NEGR1: variants seen among roughly 807,000 people sequenced by gnomAD.
NEGR1 encodes the protein IgLON family member 4.
Under a neutral mutation model 40.9 loss-of-function variants are expected in NEGR1, and 10 were observed. The observed-to-expected ratio is 0.24, with a 90% CI of 0.15 to 0.42. NEGR1 has a LOEUF of 0.42. Among genes scored for constraint, NEGR1 ranks in the 10% least tolerant of loss-of-function variants. The pLI, the probability that NEGR1 is intolerant of heterozygous loss-of-function variation, is 1.00. For synonymous variants in NEGR1, 185 were observed against 166.8 expected (o/e 1.11, Z -0.84); for missense variants, 352 against 438.9 (o/e 0.80, Z 1.77).
intron 2 of NEGR1, among the ~76,000 whole-genome samples, chr1:71,808,626 C>T (rs1657867250): frequency 6.6e-6 from 1 of 152,082 alleles, no homozygotes; most frequent in African/African-American, 2.4e-5. Flanking sequence ...ATGTACTTCA[C>T]CTGCTCTGCA....
At chr1:72,186,643 A>T (rs1652622060) in intron 1 of NEGR1, among the ~76,000 whole-genome samples, 2 of 151,826 alleles carry the variant, frequency 1.3e-5, no homozygotes, top group African/African-American at 4.8e-5. Flanking sequence ...CAATAAAATC[A>T]GAAAGCTAAT....
At chr1:71,861,070 C>T (rs145550073) in intron 2 of NEGR1, among the ~76,000 whole-genome samples, 2 of 152,116 alleles carry the variant, frequency 1.3e-5, no homozygotes, top group African/African-American at 4.8e-5. Flanking sequence ...AAAGTTATTA[C>T]CTGTAAATGA....
intron 1 of NEGR1, among the ~76,000 whole-genome samples, chr1:72,078,732 TG>T (rs766076620): frequency 6.6e-6 from 1 of 150,990 alleles, no homozygotes; most frequent in Non-Finnish European, 1.5e-5. Context: ...CTCTGCCTCC[TG>T]GGTTCAAGTG....
chr1:71,495,434 A>ACCACTGC (rs1460319922), intron 6 of NEGR1, among the ~76,000 whole-genome samples: 2 of 150,906 alleles, frequency 1.3e-5, no homozygotes, highest in Non-Finnish European at 1.5e-5. Context: ...CTGAGATCGC[A>ACCACTGC]CCACTGCACT....
chr1:71,446,838 T>C (rs1646585975), intron 6 of NEGR1, among the ~76,000 whole-genome samples: 1 of 152,230 alleles, frequency 6.6e-6, no homozygotes, highest in South Asian at 2.1e-4. Context: ...GTAACCATTA[T>C]GTTGACTTCT....
intron 1 of NEGR1, among the ~76,000 whole-genome samples, chr1:72,201,157 C>T (rs911114059): frequency 3.3e-5 from 5 of 151,644 alleles, no homozygotes; most frequent in Non-Finnish European, 5.9e-5. Context: ...GTATTACATA[C>T]ATTTTAGCAA....
At chr1:71,656,900 A>G (rs773781129) in intron 4 of NEGR1, among the ~76,000 whole-genome samples, 1 of 152,244 alleles carries the variant, frequency 6.6e-6, no homozygotes, top group Non-Finnish European at 1.5e-5. Flanking sequence ...TAATTGCAAC[A>G]TATCTCTAAT....
At chr1:72,031,847 T>C (rs1179696280) in intron 1 of NEGR1, among the ~76,000 whole-genome samples, 2 of 152,164 alleles carry the variant, frequency 1.3e-5, no homozygotes, top group African/African-American at 2.4e-5. Context: ...CATGATGTGA[T>C]ACATTCTGTA....
rs530529265 is a variant in NEGR1, at chr1:71,619,030, T to G, written c.668-7884A>C. On this transcript the variant is annotated intron_variant, in intron 4 of 6. Coordinates refer to ENST00000357731, the MANE Select transcript of NEGR1 (RefSeq NM_173808.3). ...GTTTCTAAGGGCTCATGAGCTATAA[T>G]GTACTCACAGATTTCATGTAAGGAG... Among the ~76,000 whole-genome samples the G allele has an allele frequency of 4.1e-4, 63 of 152,260 alleles. 1 individual carries two copies. The highest frequency in any genetic ancestry group is 3.5e-3 in the Admixed American group (54 of 15,284).
intron 2 of NEGR1, among the ~76,000 whole-genome samples, chr1:71,855,663 T>C (rs1193280464): frequency 6.6e-6 from 1 of 152,014 alleles, no homozygotes. Flanking sequence ...TTCTTAACAG[T>C]CTTAAAATTA....
intron 6 of NEGR1, among the ~76,000 whole-genome samples, chr1:71,412,716 TGAG>T (rs982366683): frequency 2.6e-5 from 4 of 152,090 alleles, no homozygotes; most frequent in African/African-American, 4.8e-5. Flanking sequence ...TAATTTTTTT[TGAG>T]GAGAAGAATG....
At chr1:71,852,824 C>A (rs1358317721) in intron 2 of NEGR1, among the ~76,000 whole-genome samples, 1 of 147,892 alleles carries the variant, frequency 6.8e-6, no homozygotes, top group African/African-American at 2.5e-5. Flanking sequence ...AATGTTATTC[C>A]AAAGGAATAA....
intron 2 of NEGR1, among the ~76,000 whole-genome samples, chr1:71,883,376 T>TATCAAACTAA (rs1660632113): frequency 6.6e-6 from 1 of 152,112 alleles, no homozygotes; most frequent in Non-Finnish European, 1.5e-5. Flanking sequence ...TATGCTATCA[T>TATCAAACTAA]GTTGGCTAAT....
Position 71,615,084 on chromosome 1 carries a change from G to A in NEGR1, c.668-3938C>T, listed in dbSNP as rs529295395. Among the ~76,000 whole-genome samples, 4 of 152,248 alleles carry A rather than the reference G, an allele frequency of 2.6e-5. No homozygotes were observed. In the South Asian group the frequency reaches 8.3e-4, roughly 32 times the overall value. Reference sequence around the variant, plus strand: ...CAATGTGGAGAGAAGATTCTCATGAGGCTATCCCTTTGTGGCTAAAATTAT... The same window carrying A: ...CAATGTGGAGAGAAGATTCTCATGAAGCTATCCCTTTGTGGCTAAAATTAT... On this transcript the variant is annotated intron_variant, in intron 4 of 6. Transcript: ENST00000357731.
At chr1:71,838,123 C>G (rs1328828623) in intron 2 of NEGR1, among the ~76,000 whole-genome samples, 1 of 151,926 alleles carries the variant, frequency 6.6e-6, no homozygotes, top group African/African-American at 2.4e-5. Flanking sequence ...AAACATAGTA[C>G]ATAATTAAAT....
At chr1:71,501,923 G>A (rs1400525094) in intron 6 of NEGR1, among the ~76,000 whole-genome samples, 1 of 152,116 alleles carries the variant, frequency 6.6e-6, no homozygotes, top group East Asian at 1.9e-4. Context: ...CTATGTGTAT[G>A]GAACTCTATT....
chr1:71,954,976 A>T (rs1646107363), intron 1 of NEGR1, among the ~76,000 whole-genome samples: 1 of 152,194 alleles, frequency 6.6e-6, no homozygotes, highest in Non-Finnish European at 1.5e-5. Context: ...ATTTTACATG[A>T]GGAATAAATT....
intron 6 of NEGR1, among the ~76,000 whole-genome samples, chr1:71,543,550 GA>G (rs1172125276): frequency 6.6e-6 from 1 of 151,620 alleles, no homozygotes; most frequent in Non-Finnish European, 1.5e-5. Flanking sequence ...CTTATCAACA[GA>G]AAGAAAACAT....
chr1:71,563,925 C>T (rs1380741102), intron 6 of NEGR1, among the ~76,000 whole-genome samples: 1 of 150,134 alleles, frequency 6.7e-6, no homozygotes, highest in African/African-American at 2.4e-5. Context: ...AGGTGACAGA[C>T]GACTGGAACA....
Sources: gnomAD v4.1 joint callset for allele counts (sites outside exome capture counted in the v4.1 genomes callset) on GRCh38, gnomAD v4.1.1 for gene constraint, MANE v1.5 for transcripts, NCBI Gene and HGNC (gene_info 2026-07-23, HGNC 2026-07-21) for gene names.